The following C18orf63 variants were observed in gnomAD, a reference collection of about 807,000 sequenced individuals.
The protein encoded by C18orf63 is chromosome 18 open reading frame 63, also known as uncharacterized protein C18orf63.
In C18orf63, 50 loss-of-function variants were observed where a neutral mutation model predicts 75.3. The ratio of observed to expected loss-of-function variants is 0.66; its 90% CI spans 0.53 to 0.84. The LOEUF (loss-of-function observed/expected upper bound fraction) is 0.84. C18orf63 is among the 40% of genes least tolerant of loss of function. C18orf63 has a pLI of 0.00. For missense variants in C18orf63, 732 were observed against 800.2 expected (o/e 0.91, Z 1.03); for synonymous variants, 232 against 267.6 (o/e 0.87, Z 1.30).
In C18orf63 at chr18:74,320,513, G is replaced by A. The variant is rs1261037729; in HGVS notation, c.135G>A (p.Arg45=). The change falls in exon 3 of 14, where the codon AGG becomes AGA. Residue 45 remains arginine (R), a splice_region_variant and synonymous_variant. Coordinates refer to ENST00000579455, the MANE Select transcript of C18orf63 (RefSeq NM_001174123.2). ...EIRTIQMKMC[R]QLLFLHQDIL... is the part of the protein sequence containing the mutation. The stretch of plus-strand genomic sequence containing the variant: ...TTTGTAATATATTTCATCTCCACAG[G>A]CAATTGCTGTTTTTGCATCAAGATA... The A allele has an allele frequency of 1.3e-6, 2 of 1,529,338 alleles. No individual in the cohort carries two copies. Among genetic ancestry groups the A allele is most frequent in the Non-Finnish European group, 8.8e-7 (1 of 1,142,396 alleles). 94.7% of individuals were successfully genotyped at this position (1,529,338 alleles called of 1,614,324 possible). A position where few individuals can be genotyped will look rare whatever the true frequency, so the allele number is the denominator to read the frequency against.
intron 11 of C18orf63, among the ~76,000 whole-genome samples, chr18:74,350,121 G>A (rs1984641999): frequency 6.6e-6 from 1 of 152,142 alleles, no homozygotes; most frequent in East Asian, 1.9e-4. Context: ...GACCTGGGTT[G>A]ATTTAATGGT....
chr18:74,322,627 A>G, intron 3 of C18orf63, 71 bp from the exon 4 acceptor site: 1 of 483,068 alleles, frequency 2.1e-6, no homozygotes. Context: ...AATGCTTAAA[A>G]TCTTTATTGC....
chr18:74,331,671 C>A (rs981490780), intron 7 of C18orf63, among the ~76,000 whole-genome samples: 1 of 152,114 alleles, frequency 6.6e-6, no homozygotes, highest in Non-Finnish European at 1.5e-5. Context: ...GCCATCTTAT[C>A]CCCACCCACA....
At chr18:74,316,194 G>GCCGGCA (rs1448377476) in intron 1 of C18orf63, 85 bp downstream of exon 1, 1 of 152,114 alleles carries the variant, frequency 6.6e-6, no homozygotes, top group Non-Finnish European at 1.5e-5. Context: ...CGGTGCCGGC[G>GCCGGCA]CCGGCACCCT....
chr18:74,325,659 C>T (rs1304832481), intron 4 of C18orf63, among the ~76,000 whole-genome samples: 1 of 152,152 alleles, frequency 6.6e-6, no homozygotes, highest in African/African-American at 2.4e-5. Flanking sequence ...CTCTGTTTCT[C>T]CTTGAAGTTC....
intron 2 of C18orf63, 90 bp downstream of exon 2, chr18:74,318,089 C>A: frequency 4.1e-6 from 3 of 740,468 alleles, no homozygotes; most frequent in South Asian, 4.3e-5. Context: ...GCAAAATACT[C>A]ATTCACTCAA....
rs1384931364 is a variant in C18orf63 at position 74,327,920 on chromosome 18, C to T, written c.271-27C>T. ...TACACAGCAATTGTTCTAAATTGGC[C>T]CATATTTTGCCATTTAATATTTTTA... On this transcript the variant is annotated intron_variant, in intron 4 of 13. Transcript: ENST00000579455. The T allele has an allele frequency of 4.4e-6, 6 of 1,348,714 alleles. No individual in the cohort carries two copies. The Admixed American group carries it at 1.2e-4, about 27-fold the overall frequency. The allele number at this position is 1,348,714 out of a possible 1,614,324, so 83.5% of individuals were successfully genotyped here.
At chr18:74,342,402 A>C in intron 10 of C18orf63, 76 bp downstream of exon 10, 1 of 827,278 alleles carries the variant, frequency 1.2e-6, no homozygotes, top group Non-Finnish European at 1.9e-6. Context: ...CTCTCATGTC[A>C]TACTTTTCAA....
Position 74,343,650 on chromosome 18 carries a change from T to G in C18orf63, c.926T>G (p.Met309Arg). The change falls in exon 11 of 14, where the codon ATG becomes AGG. Residue 309 changes from methionine to arginine, a missense_variant. Physicochemically the swap from Met to Arg is moderately conservative, Grantham distance 91. Coordinates refer to ENST00000579455, the MANE Select transcript of C18orf63 (RefSeq NM_001174123.2). ...LPHICGFPIK[M>R]TSKPCYYTQE... Reference sequence around the variant, plus strand: ...CATATATGTGGATTTCCCATAAAGATGACAAGTAAACCATGCTACTACACA... The same window carrying G: ...CATATATGTGGATTTCCCATAAAGAGGACAAGTAAACCATGCTACTACACA... The G allele has an allele frequency of 6.5e-7, 1 of 1,534,568 alleles. No individual in the cohort carries two copies.
At chr18:74,350,286 T>C (rs1176723552) in intron 11 of C18orf63, among the ~76,000 whole-genome samples, 1 of 152,138 alleles carries the variant, frequency 6.6e-6, no homozygotes, top group Non-Finnish European at 1.5e-5. Context: ...TCCAACCCTG[T>C]TACAGGTTGA....
At chr18:74,320,773 A>C (rs780518703) in intron 3 of C18orf63, among the ~76,000 whole-genome samples, 182 bp downstream of exon 3, 1 of 152,150 alleles carries the variant, frequency 6.6e-6, no homozygotes, top group African/African-American at 2.4e-5. Context: ...CTTAAAATCC[A>C]TTTTTGTGGT....
intron 11 of C18orf63, among the ~76,000 whole-genome samples, chr18:74,352,484 TC>T (rs1984684564): frequency 9.3e-6 from 1 of 107,844 alleles, no homozygotes; most frequent in Admixed American, 8.5e-5. Flanking sequence ...TTTTAATGTA[TC>T]TGACAAATTT....
rs145827187 is a variant in C18orf63 at position 74,319,977 on chromosome 18, C to T, written c.135-536C>T. Among the ~76,000 whole-genome samples, 7 of 152,298 alleles carry T rather than the reference C, an allele frequency of 4.6e-5. No homozygotes were observed. The East Asian group carries it at 1.4e-3, about 29-fold the overall frequency. The stretch of plus-strand genomic sequence containing the variant: ...GTCAAATATTGCCTGAGTACCTACA[C>T]CTACACTGTTCAAGGTGCTATGCAA... On this transcript the variant is annotated intron_variant, in intron 2 of 13. Coordinates refer to ENST00000579455, the MANE Select transcript of C18orf63 (RefSeq NM_001174123.2).
rs8088806 is a variant in C18orf63, at chr18:74,333,492, T to C, written c.501+2550T>C. Among the ~76,000 whole-genome samples the C allele has an allele frequency of 1.1e-3, 172 of 152,304 alleles. 1 individual carries two copies. The highest frequency in any genetic ancestry group is 4.1e-3 in the African/African-American group (170 of 41,570). On this transcript the variant is annotated intron_variant, in intron 7 of 13. Coordinates refer to ENST00000579455, the MANE Select transcript of C18orf63 (RefSeq NM_001174123.2). ...GAAGGCCTTAGGAAATTTACAGTCA[T>C]GGTGGAAGGGGAAGCAAGCATGTCC...
intron 13 of C18orf63, among the ~76,000 whole-genome samples, chr18:74,355,326 A>AC (rs1984744658): frequency 6.6e-6 from 1 of 151,924 alleles, no homozygotes; most frequent in Admixed American, 6.6e-5. Context: ...ACATCTTAAT[A>AC]TTTTAATGCA....
At chr18:74,325,617 G>T (rs994944011) in intron 4 of C18orf63, among the ~76,000 whole-genome samples, 1 of 152,204 alleles carries the variant, frequency 6.6e-6, no homozygotes, top group Admixed American at 6.5e-5. Flanking sequence ...TAAGAGAGCA[G>T]TATTGAAGTC....
chr18:74,350,857 AC>A (rs1425279750), intron 11 of C18orf63, among the ~76,000 whole-genome samples: 1 of 152,022 alleles, frequency 6.6e-6, no homozygotes, highest in Non-Finnish European at 1.5e-5. Context: ...AAATGTTGAA[AC>A]CCTAACTCCC....
At chr18:74,331,208 T>G (rs536451304) in intron 7 of C18orf63, among the ~76,000 whole-genome samples, 1 of 152,284 alleles carries the variant, frequency 6.6e-6, no homozygotes, top group East Asian at 1.9e-4. Flanking sequence ...TATCCGAGAC[T>G]CTCCACAACC....
intron 4 of C18orf63, among the ~76,000 whole-genome samples, chr18:74,326,600 C>T (rs2145117786): frequency 6.6e-6 from 1 of 152,346 alleles, no homozygotes; most frequent in South Asian, 2.1e-4. Flanking sequence ...TTCCTAGGTT[C>T]CCCTGCTCTG....
Sources: gnomAD v4.1 joint callset for allele counts (sites outside exome capture counted in the v4.1 genomes callset) on GRCh38, gnomAD v4.1.1 for gene constraint, MANE v1.5 for transcripts, NCBI Gene and HGNC (gene_info 2026-07-23, HGNC 2026-07-21) for gene names.